The following TRIM10 variants were observed in gnomAD, a reference collection of about 807,000 sequenced individuals.
TRIM10 encodes the protein tripartite motif-containing protein 10.
Under a neutral mutation model 40.0 loss-of-function variants are expected in TRIM10, and 42 were observed. The ratio of observed to expected loss-of-function variants is 1.05; its 90% CI spans 0.82 to 1.36. TRIM10 has a LOEUF of 1.36. Among genes scored for constraint, TRIM10 ranks in the 40% most tolerant of loss-of-function variants. The probability of loss-of-function intolerance (pLI) is 0.00; values close to 1 mark genes in which losing one functional copy is unlikely to be tolerated. For synonymous variants in TRIM10, 260 were observed against 239.5 expected, an observed-to-expected ratio of 1.09 and a Z score of -0.79; for missense variants, 601 against 608.3, an observed-to-expected ratio of 0.99 and a Z score of 0.13.
upstream of TRIM10, chr6:30,163,858 G>C (rs1232098250): frequency 2.5e-6 from 4 of 1,612,896 alleles, no homozygotes; most frequent in Admixed American, 1.7e-5. Flanking sequence ...TGCTCTGCCC[G>C]CTCTGCCAAG....
chr6:30,154,416 C>A lies in TRIM10; in HGVS notation c.999G>T (p.Gln333His). Residue 333 changes from glutamine to histidine, a missense_variant, in exon 7 of 7, where the codon CAG becomes CAT. By Grantham distance (24) the Gln-to-His change is conservative. Coordinates refer to ENST00000449742, the MANE Select transcript of TRIM10 (RefSeq NM_006778.4). Reference protein sequence around the residue: ...LLLSEDHQRAQFSYKWQNSPD... With the variant: ...LLLSEDHQRAHFSYKWQNSPD... ...GTGAGTTCTGCCATTTGTAGGAGAACTGAGCTCGCTGGTGGTCCTCGGACA... is the reference window on the plus strand; with the variant it reads ...GTGAGTTCTGCCATTTGTAGGAGAAATGAGCTCGCTGGTGGTCCTCGGACA... 1 of 1,613,026 alleles carries A rather than the reference C, an allele frequency of 6.2e-7. No homozygotes were observed.
chr6:30,156,438 G>A (rs564843161), intron 5 of TRIM10, among the ~76,000 whole-genome samples: 8 of 152,116 alleles, frequency 5.3e-5, no homozygotes, highest in Admixed American at 1.3e-4. Context: ...TCCCTGTTCC[G>A]GAAAAGGAAG....
At chr6:30,163,381 G>C, upstream of TRIM10, 1 of 497,506 alleles carries the variant, frequency 2.0e-6, no homozygotes, top group Non-Finnish European at 3.5e-6. Flanking sequence ...GGACCAGAAG[G>C]AGCCAGGAGT....
Position 30,160,664 on chromosome 6 carries a change from A to T in TRIM10, c.195T>A (p.Arg65=). The T allele has an allele frequency of 6.2e-7, 1 of 1,614,206 alleles. No homozygotes were observed. The highest frequency in any genetic ancestry group is 1.1e-5 in the South Asian group (1 of 91,082). The change falls in exon 1 of 7, where the codon CGT becomes CGA. Residue 65 remains arginine, a synonymous_variant. Transcript: ENST00000449742. ...PTCPLCKEPF[R]PGSFRPNWQL... ...GCCAGTTGGGCCGGAAGCTCCCAGG[A>T]CGGAAGGGTTCTTTGCAGAGTGGGC...
chr6:30,156,172 C>G (rs566020477), intron 5 of TRIM10, among the ~76,000 whole-genome samples: 88 of 152,260 alleles, frequency 5.8e-4, no homozygotes, highest in African/African-American at 2.0e-3. Context: ...TATTATTCCA[C>G]TTGGAAATAA....
At chr6:30,163,886 A>G, upstream of TRIM10, 1 of 1,612,856 alleles carries the variant, frequency 6.2e-7, no homozygotes, top group Non-Finnish European at 8.5e-7. Flanking sequence ...GCAGGCAGAG[A>G]CTCCCATGGC....
rs1454336667 is a variant in TRIM10 at position 30,159,156 on chromosome 6, G to A, written c.519C>T (p.Val173=). ...GGAAGGGGTGATGACTTACCAGGAG[G>A]ACTTGCATCCTTTTATTTTCTCTTG... ...IQSRENKRMQ[V]LLTQVSTKRQ... Residue 173 remains valine (V), a synonymous_variant, in exon 2 of 7, where the codon GTC becomes GTT. Transcript: ENST00000449742. 1.2e-6 allele frequency: 2 copies of A among 1,608,608 alleles called. No homozygotes were observed. The highest frequency in any genetic ancestry group is 1.7e-6 in the Non-Finnish European group (2 of 1,176,050).
In TRIM10 at chr6:30,152,255, G is replaced by A. The variant is rs1581555299; in HGVS notation, c.*1714C>T. On this transcript the variant is annotated 3_prime_UTR_variant, in exon 7 of 7. Transcript: ENST00000449742. ...GTGACACAAGGTGTGTAAAGCTCCC[G>A]AGCTGCAAGCCAGGATCTTCATACA... The A allele has an allele frequency of 2.0e-5, 3 of 152,104 alleles. No individual in the cohort carries two copies. Among genetic ancestry groups the A allele is most frequent in the South Asian group, 2.1e-4 (1 of 4,828 alleles). 9.4% of individuals were successfully genotyped at this position (152,104 alleles called of 1,614,324 possible). A position where few individuals can be genotyped will look rare whatever the true frequency, so the allele number is the denominator to read the frequency against.
chr6:30,159,071 TA>T, intron 2 of TRIM10, 78 bp downstream of exon 2: 1 of 931,436 alleles, frequency 1.1e-6, no homozygotes, highest in Non-Finnish European at 1.8e-6. Context: ...CAAAGCCCTA[TA>T]ATCTATGTTG....
At position 30,158,560 on chromosome 6, in the gene TRIM10, G is replaced by C. The variant is rs758138844; in HGVS notation, c.595C>G (p.Gln199Glu). The C allele has an allele frequency of 2.5e-6, 4 of 1,613,032 alleles. No individual in the cohort carries two copies. Among genetic ancestry groups the C allele is most frequent in the Admixed American group, 1.7e-5 (1 of 60,018 alleles). ...FAHLRKFLEE[Q>E]QSILLAQLES... ...AATTGTGCTAAGAGGATGCTCTGCTGTTCCTCTAGAAACTTCCTCAGGTGT... is the reference window on the plus strand; with the variant it reads ...AATTGTGCTAAGAGGATGCTCTGCTCTTCCTCTAGAAACTTCCTCAGGTGT... The change falls in exon 3 of 7, where the codon CAG (glutamine) becomes GAG (glutamate). Residue 199 changes from glutamine to glutamate, a missense_variant. Gln to Glu is a conservative substitution (Grantham distance 29). Coordinates refer to ENST00000449742, the MANE Select transcript of TRIM10 (RefSeq NM_006778.4).
At chr6:30,155,078 C>A (rs747608904) in intron 6 of TRIM10, among the ~76,000 whole-genome samples, 1 of 152,152 alleles carries the variant, frequency 6.6e-6, no homozygotes, top group Non-Finnish European at 1.5e-5. Context: ...TGCTGCAGAG[C>A]CTTGCGTTTT....
At chr6:30,160,118 T>G (rs1317854389) in intron 1 of TRIM10, among the ~76,000 whole-genome samples, 1 of 152,118 alleles carries the variant, frequency 6.6e-6, no homozygotes, top group Non-Finnish European at 1.5e-5. Flanking sequence ...GTTTGTACAA[T>G]CATTCCCTCA....
chr6:30,154,133 G>T lies in TRIM10; in HGVS notation c.1282C>A (p.Pro428Thr). The T allele has an allele frequency of 6.2e-7, 1 of 1,612,964 alleles. No individual in the cohort carries two copies. The highest frequency in any genetic ancestry group is 8.5e-7 in the Non-Finnish European group (1 of 1,179,944). ...FPTRLTLKEQ[P>T]RQVRVSLDYE... ...TCAAGAGACACCCTCACCTGCCGGG[G>T]CTGCTCCTTCAGGGTCAGCCGTGTG... The change falls in exon 7 of 7, where the codon CCC becomes ACC. Residue 428 changes from proline to threonine, a missense_variant. By Grantham distance (38) the Pro-to-Thr change is conservative. Coordinates refer to ENST00000449742, the MANE Select transcript of TRIM10 (RefSeq NM_006778.4).
At chr6:30,162,347 A>G (rs374534467), upstream of TRIM10, among the ~76,000 whole-genome samples, 363 of 152,292 alleles carry the variant, frequency 2.4e-3, 7 homozygotes, top group Middle Eastern at 0.024. Context: ...TGTATTTTAC[A>G]TATACAGCAT....
rs757027656 is a variant in TRIM10 at position 30,160,684 on chromosome 6, G to A, written c.175C>T (p.Leu59Phe). ...CCAGGACGGAAGGGTTCTTTGCAGAGTGGGCAAGTAGGGGACTCCTCCAGG... is the reference window on the plus strand; with the variant it reads ...CCAGGACGGAAGGGTTCTTTGCAGAATGGGCAAGTAGGGGACTCCTCCAGG... ...PDLEESPTCP[L>F]CKEPFRPGSF... The change falls in exon 1 of 7, where the codon CTC becomes TTC. Residue 59 changes from leucine to phenylalanine, a missense_variant. By Grantham distance (22) the Leu-to-Phe change is conservative. Transcript: ENST00000449742. 2 of 1,614,258 alleles carry A rather than the reference G, an allele frequency of 1.2e-6. No individual in the cohort carries two copies. The highest frequency in any genetic ancestry group is 1.7e-6 in the Non-Finnish European group (2 of 1,180,052).
chr6:30,162,247 T>A (rs529481356), upstream of TRIM10, among the ~76,000 whole-genome samples: 2 of 130,124 alleles, frequency 1.5e-5, no homozygotes, highest in Non-Finnish European at 3.1e-5. Flanking sequence ...CTGCACTCCA[T>A]CCCGGGAGAC....
At chr6:30,163,519 C>A (rs146207681), upstream of TRIM10, 82 of 958,632 alleles carry the variant, frequency 8.6e-5, no homozygotes, top group Non-Finnish European at 1.1e-4. Flanking sequence ...AGCCAGGTGG[C>A]TTCCCTGTGC....
At position 30,159,052 on chromosome 6, in the gene TRIM10, T is replaced by C. The variant is rs1410472550; in HGVS notation, c.525+98A>G. 3.1e-5 allele frequency: 24 copies of C among 783,136 alleles called. No homozygotes were observed. In the East Asian group the frequency reaches 4.7e-4, roughly 15 times the overall value. 48.5% of individuals were successfully genotyped at this position (783,136 alleles called of 1,614,324 possible). A position where few individuals can be genotyped will look rare whatever the true frequency, so the allele number is the denominator to read the frequency against. On this transcript the variant is annotated intron_variant, in intron 2 of 6. Coordinates refer to ENST00000449742, the MANE Select transcript of TRIM10 (RefSeq NM_006778.4). ...GTGTCAGAGTCAGGATTTAAACTCATAATAACTTCAAAGCCCTATAATCTA... is the reference window on the plus strand; with the variant it reads ...GTGTCAGAGTCAGGATTTAAACTCACAATAACTTCAAAGCCCTATAATCTA...
Position 30,152,089 on chromosome 6 carries a change from G to T in TRIM10, c.*1880C>A, listed in dbSNP as rs1772058023. 6.6e-6 allele frequency: 1 copy of T among 152,118 alleles called. No homozygotes were observed. Among genetic ancestry groups the T allele is most frequent in the African/African-American group, 2.4e-5 (1 of 41,408 alleles). 9.4% of individuals were successfully genotyped at this position (152,118 alleles called of 1,614,324 possible). ...TTTCTGAATCCAAGTCACCTGTGGG[G>T]GTGTAGCCAGCATTAAAATAATCGC... is the stretch of plus-strand genomic sequence containing the variant. On this transcript the variant is annotated 3_prime_UTR_variant, in exon 7 of 7. Coordinates refer to ENST00000449742, the MANE Select transcript of TRIM10 (RefSeq NM_006778.4).
Sources: allele counts gnomAD v4.1 joint callset (sites outside exome capture counted in the v4.1 genomes callset), GRCh38; gene constraint gnomAD v4.1.1; transcripts MANE v1.5; gene names NCBI Gene and HGNC (gene_info 2026-07-23, HGNC 2026-07-21).